PRELID2: variants seen among roughly 807,000 people sequenced by gnomAD.
The protein encoded by PRELID2 is PRELI domain containing 2, also known as PRELI domain-containing protein 2.
In PRELID2, 25 loss-of-function variants were observed where a neutral mutation model predicts 28.4. That is an observed-to-expected ratio of 0.88 (90% CI 0.64 to 1.23). The LOEUF is 1.23. Among genes scored for constraint, PRELID2 ranks in the 50% most tolerant of loss-of-function variants. The pLI, the probability that PRELID2 is intolerant of heterozygous loss-of-function variation, is 0.00. For missense variants in PRELID2, 201 were observed against 214.4 expected, an observed-to-expected ratio of 0.94 and a Z score of 0.39; for synonymous variants, 76 against 71.6, an observed-to-expected ratio of 1.06 and a Z score of -0.31.
chr5:145,735,639 A>T (rs1756475699), intron 1 of PRELID2, among the ~76,000 whole-genome samples: 1 of 152,202 alleles, frequency 6.6e-6, no homozygotes, highest in Admixed American at 6.6e-5. Flanking sequence ...TTTAGGTGTG[A>T]TAAGTATGTG....
At chr5:145,564,435 TG>T (rs1454723932) in intron 1 of PRELID2, among the ~76,000 whole-genome samples, 1 of 152,178 alleles carries the variant, frequency 6.6e-6, no homozygotes, top group Non-Finnish European at 1.5e-5. Context: ...CACTTTTGCA[TG>T]TGCTCATCCC....
chr5:145,505,689 T>A (rs1297155622), intron 1 of PRELID2, among the ~76,000 whole-genome samples: 2 of 152,218 alleles, frequency 1.3e-5, no homozygotes, highest in African/African-American at 2.4e-5. Flanking sequence ...CTCGAAGAGA[T>A]ATTTGCATTC....
the PRELID2 span, among the ~76,000 whole-genome samples, chr5:145,428,433 A>G: frequency 6.6e-6 from 1 of 152,200 alleles, no homozygotes; most frequent in African/African-American, 2.4e-5. Flanking sequence ...AGTAGAAAAA[A>G]AAACTGTTCC....
intron 4 of PRELID2, among the ~76,000 whole-genome samples, chr5:145,806,679 C>G (rs1167333371): frequency 6.6e-6 from 1 of 152,116 alleles, no homozygotes; most frequent in Non-Finnish European, 1.5e-5. Context: ...AATTGTAATT[C>G]CCATGTGTCA....
the PRELID2 span, among the ~76,000 whole-genome samples, chr5:145,378,111 G>A: frequency 6.6e-6 from 1 of 152,070 alleles, no homozygotes; most frequent in East Asian, 1.9e-4. Flanking sequence ...TTGGCTATAG[G>A]CTCCCAATCT....
chr5:145,798,036 C>A (rs78358188), intron 4 of PRELID2, among the ~76,000 whole-genome samples: 2,085 of 151,512 alleles, frequency 0.014, 44 homozygotes, highest in African/African-American at 0.048. Context: ...AAAATGAGAA[C>A]CAAGCAGAAA....
the PRELID2 span, among the ~76,000 whole-genome samples, chr5:145,393,137 A>T: frequency 6.6e-6 from 1 of 152,196 alleles, no homozygotes; most frequent in African/African-American, 2.4e-5. Flanking sequence ...TCACACAATC[A>T]GATGCTGGCC....
the PRELID2 span, among the ~76,000 whole-genome samples, chr5:145,320,273 C>CTT: frequency 4.9e-5 from 7 of 142,772 alleles, no homozygotes; most frequent in African/African-American, 1.0e-4. Context: ...CACTCAACAG[C>CTT]TTTTTTTTTT....
intron 1 of PRELID2, among the ~76,000 whole-genome samples, chr5:145,584,747 C>A (rs548473030): frequency 7.9e-5 from 12 of 152,230 alleles, no homozygotes; most frequent in African/African-American, 2.6e-4. Flanking sequence ...CATCTCCCAC[C>A]AGTCAGAATG....
At chr5:145,467,159 C>A (rs1177026633), downstream of PRELID2, among the ~76,000 whole-genome samples, 2 of 152,108 alleles carry the variant, frequency 1.3e-5, no homozygotes, top group African/African-American at 4.8e-5. Flanking sequence ...GTCCACTATC[C>A]CAGTGGTTAT....
chr5:145,763,962 G>C (rs531904515), intron 6 of PRELID2, among the ~76,000 whole-genome samples: 6 of 152,212 alleles, frequency 3.9e-5, no homozygotes, highest in African/African-American at 1.4e-4. Flanking sequence ...TGTAGTTCCT[G>C]CCTCTCGGGA....
chr5:145,724,530 C>G (rs765843333), intron 1 of PRELID2, among the ~76,000 whole-genome samples: 3 of 141,012 alleles, frequency 2.1e-5, no homozygotes, highest in Non-Finnish European at 4.6e-5. Context: ...CATCCTGATT[C>G]CATACTTATA....
At chr5:145,328,636 T>C in the PRELID2 span, among the ~76,000 whole-genome samples, 5 of 152,200 alleles carry the variant, frequency 3.3e-5, no homozygotes, top group Non-Finnish European at 7.4e-5. Flanking sequence ...AGTTGTTTTT[T>C]TCTTGTAAAT....
chr5:145,781,632 TAC>T (rs1204786326), intron 5 of PRELID2, among the ~76,000 whole-genome samples: 1 of 137,292 alleles, frequency 7.3e-6, no homozygotes, highest in African/African-American at 2.9e-5. Flanking sequence ...ACTATATATA[TAC>T]ACACTATATA....
chr5:145,692,492 A>C (rs1328833369), intron 1 of PRELID2, among the ~76,000 whole-genome samples: 2 of 152,160 alleles, frequency 1.3e-5, no homozygotes, highest in Non-Finnish European at 2.9e-5. Flanking sequence ...TCCATGCATC[A>C]ATCAGAAGAG....
chr5:145,532,985 G>A (rs1376209364), intron 1 of PRELID2, among the ~76,000 whole-genome samples: 1 of 152,056 alleles, frequency 6.6e-6, no homozygotes, highest in Non-Finnish European at 1.5e-5. Context: ...ACCCAGAAAT[G>A]GGATTTCTAG....
chr5:145,377,499 A>C, the PRELID2 span, among the ~76,000 whole-genome samples: 1 of 152,164 alleles, frequency 6.6e-6, no homozygotes, highest in African/African-American at 2.4e-5. Context: ...GTGCAAATCT[A>C]AGTCTTTTTT....
chr5:145,573,327 TTTTTC>T (rs1171861916), intron 1 of PRELID2, among the ~76,000 whole-genome samples: 32 of 151,402 alleles, frequency 2.1e-4, no homozygotes, highest in Non-Finnish European at 4.1e-4. Context: ...ACCCTCAATC[TTTTTC>T]TTTTCTTTTT....
chr5:145,551,526 G>A (rs1206055822), intron 1 of PRELID2, among the ~76,000 whole-genome samples: 2 of 152,162 alleles, frequency 1.3e-5, no homozygotes, highest in Non-Finnish European at 2.9e-5. Flanking sequence ...CCAATCACAA[G>A]TGATGACCAA....
Sources: gnomAD v4.1 joint callset for allele counts (sites outside exome capture counted in the v4.1 genomes callset) on GRCh38, gnomAD v4.1.1 for gene constraint, MANE v1.5 for transcripts, NCBI Gene and HGNC (gene_info 2026-07-23, HGNC 2026-07-21) for gene names.